Variants in MAPK10 observed in about 807,000 individuals in gnomAD.
MAPK10 encodes JNK3 alpha protein kinase.
MAPK10 carries 25 observed loss-of-function variants against 59.3 expected under a neutral mutation model. The observed-to-expected ratio is 0.42, with a 90% CI of 0.31 to 0.59. The LOEUF (loss-of-function observed/expected upper bound fraction) is 0.59, where lower values mean the gene tolerates loss of function less well. MAPK10 is among the 20% of genes least tolerant of loss of function. MAPK10 has a pLI of 0.15. For missense variants in MAPK10, 351 were observed against 568.9 expected (o/e 0.62, Z 3.90); for synonymous variants, 190 against 200.5 (o/e 0.95, Z 0.44).
intron 2 of MAPK10, among the ~76,000 whole-genome samples, chr4:86,236,956 C>A (rs929793202): frequency 5.3e-5 from 8 of 152,138 alleles, no homozygotes; most frequent in South Asian, 2.1e-4. Context: ...GTTTGCTGCA[C>A]CTGTTGACCC....
intron 9 of MAPK10, among the ~76,000 whole-genome samples, chr4:86,075,181 C>T (rs919851024): frequency 6.4e-4 from 98 of 152,274 alleles, no homozygotes; most frequent in African/African-American, 2.1e-3. Flanking sequence ...TCCAGTTGAT[C>T]GCATCGGCTC....
chr4:86,025,362 A>T, intron 13 of MAPK10: 1 of 394,536 alleles, frequency 2.5e-6, no homozygotes, highest in East Asian at 3.6e-5. Context: ...CTGCTGGATG[A>T]TCCATTCAAG....
rs147163514 is a variant in MAPK10 at position 86,413,660 on chromosome 4, G to A, written c.-122+39370C>T. ...CCCCCTGTCAAGCTGCAGCATTGCAGGTTGACCTCAGACTGCTGCGCTAGC... is the reference window on the plus strand; with the variant it reads ...CCCCCTGTCAAGCTGCAGCATTGCAAGTTGACCTCAGACTGCTGCGCTAGC... On this transcript the variant is annotated intron_variant, in intron 1 of 13. Coordinates refer to the MAPK10 transcript ENST00000361569. Among the ~76,000 whole-genome samples, 555 of 152,324 alleles carry A rather than the reference G, an allele frequency of 3.6e-3. 8 individuals are homozygous for A. Among genetic ancestry groups the A allele is most frequent in the Admixed American group, 0.027 (407 of 15,302 alleles).
At chr4:86,400,521 C>T (rs1743565834) in intron 1 of MAPK10, among the ~76,000 whole-genome samples, 1 of 151,870 alleles carries the variant, frequency 6.6e-6, no homozygotes, top group Non-Finnish European at 1.5e-5. Context: ...AAAGACATGA[C>T]AGAAGAATAA....
At chr4:86,088,696 A>C (rs187462543) in intron 9 of MAPK10, among the ~76,000 whole-genome samples, 2 of 152,124 alleles carry the variant, frequency 1.3e-5, no homozygotes, top group African/African-American at 4.8e-5. Flanking sequence ...ATTTTAGAAA[A>C]ACTTGATCAA....
At chr4:86,277,967 A>G (rs916005542) in intron 2 of MAPK10, among the ~76,000 whole-genome samples, 1 of 152,084 alleles carries the variant, frequency 6.6e-6, no homozygotes, top group Non-Finnish European at 1.5e-5. Context: ...AATTTTAGAT[A>G]TATATCACAA....
chr4:86,036,786 A>G (rs1361042399), intron 11 of MAPK10, among the ~76,000 whole-genome samples: 1 of 152,150 alleles, frequency 6.6e-6, no homozygotes, highest in Non-Finnish European at 1.5e-5. Flanking sequence ...TTTTATGCTT[A>G]TTGTCCTTGT....
At chr4:86,494,758 G>C (rs1754733822) in intron 1 of MAPK10, among the ~76,000 whole-genome samples, 1 of 146,558 alleles carries the variant, frequency 6.8e-6, no homozygotes, top group Admixed American at 7.0e-5. Flanking sequence ...CAGGAGAATG[G>C]CGTGAACCTG....
chr4:86,100,828 A>G (rs1462763009), intron 8 of MAPK10: 5 of 435,898 alleles, frequency 1.1e-5, no homozygotes, highest in Non-Finnish European at 2.1e-5. Flanking sequence ...CTTTTTCACT[A>G]TTAACATTTA....
At chr4:86,044,136 C>A (rs1442789313) in intron 11 of MAPK10, among the ~76,000 whole-genome samples, 1 of 152,172 alleles carries the variant, frequency 6.6e-6, no homozygotes, top group African/African-American at 2.4e-5. Flanking sequence ...ATTCTAGATA[C>A]AAATTTCCAC....
At chr4:86,052,706 G>A (rs529201834) in intron 11 of MAPK10, among the ~76,000 whole-genome samples, 1 of 152,150 alleles carries the variant, frequency 6.6e-6, no homozygotes, top group South Asian at 2.1e-4. Context: ...TGTTGTTGCT[G>A]TTGTTTGAGA....
At chr4:86,415,584 A>C (rs556108152) in intron 1 of MAPK10, among the ~76,000 whole-genome samples, 1 of 152,340 alleles carries the variant, frequency 6.6e-6, no homozygotes, top group South Asian at 2.1e-4. Flanking sequence ...TCTGGTAAGA[A>C]AAGCTACAGA....
At chr4:86,039,932 C>A (rs943202416) in intron 11 of MAPK10, among the ~76,000 whole-genome samples, 2 of 152,154 alleles carry the variant, frequency 1.3e-5, no homozygotes, top group South Asian at 4.1e-4. Context: ...CCCAGCCAAC[C>A]TACCTGAGGA....
chr4:86,301,049 A>T (rs1394218009), intron 2 of MAPK10, among the ~76,000 whole-genome samples: 1 of 152,158 alleles, frequency 6.6e-6, no homozygotes, highest in Non-Finnish European at 1.5e-5. Flanking sequence ...GTGCTGAAAC[A>T]GTCTTTGTTG....
At chr4:86,320,104 G>T (rs1314236361) in intron 2 of MAPK10, among the ~76,000 whole-genome samples, 1 of 152,210 alleles carries the variant, frequency 6.6e-6, no homozygotes, top group African/African-American at 2.4e-5. Flanking sequence ...CTGGAGTCTA[G>T]TTCTGTTACT....
intron 9 of MAPK10, among the ~76,000 whole-genome samples, chr4:86,075,273 G>C (rs960458547): frequency 5.3e-5 from 8 of 151,872 alleles, no homozygotes; most frequent in East Asian, 1.9e-4. Flanking sequence ...CTCTGTATTG[G>C]TTATTCTAGT....
At chr4:86,498,097 G>T (rs557803005) in intron 1 of MAPK10, among the ~76,000 whole-genome samples, 1 of 152,298 alleles carries the variant, frequency 6.6e-6, no homozygotes, top group East Asian at 1.9e-4. Context: ...TTCTGTTTTG[G>T]CTGCTGTCAT....
chr4:86,085,311 C>T (rs558607033), intron 9 of MAPK10, among the ~76,000 whole-genome samples: 1 of 152,074 alleles, frequency 6.6e-6, no homozygotes, highest in African/African-American at 2.4e-5. Flanking sequence ...GAAGAGACAA[C>T]CTACAGAATG....
intron 1 of MAPK10, among the ~76,000 whole-genome samples, chr4:86,547,330 T>C (rs1476733821): frequency 6.6e-6 from 1 of 152,138 alleles, no homozygotes; most frequent in Admixed American, 6.5e-5. Flanking sequence ...GGAGAGGCGC[T>C]GGGGGGAACC....
Sources: gnomAD v4.1 joint callset for allele counts (sites outside exome capture counted in the v4.1 genomes callset) on GRCh38, gnomAD v4.1.1 for gene constraint, MANE v1.5 for transcripts, NCBI Gene and HGNC (gene_info 2026-07-23, HGNC 2026-07-21) for gene names.